The following EDN1 variants were observed in gnomAD, a reference collection of about 807,000 sequenced individuals.
EDN1 encodes endothelin-1.
Under a neutral mutation model 21.7 loss-of-function variants are expected in EDN1, and 11 were observed. That is an observed-to-expected ratio of 0.51 (90% CI 0.32 to 0.84). The LOEUF is 0.84. Among genes scored for constraint, EDN1 ranks in the 40% least tolerant of loss-of-function variants. The probability of loss-of-function intolerance (pLI) is 0.03; values close to 1 mark genes in which losing one functional copy is unlikely to be tolerated. For missense variants in EDN1, 244 were observed against 262.3 expected, an observed-to-expected ratio of 0.93 and a Z score of 0.48; for synonymous variants, 85 against 90.6, an observed-to-expected ratio of 0.94 and a Z score of 0.35.
the EDN1 span, among the ~76,000 whole-genome samples, chr6:12,285,132 AATT>A: frequency 3.9e-5 from 6 of 152,214 alleles, no homozygotes; most frequent in African/African-American, 7.2e-5. Context: ...ATTAATCATG[AATT>A]ATTAATACAT....
At chr6:12,291,222 C>A (rs879758253) in intron 1 of EDN1, among the ~76,000 whole-genome samples, 21 of 98,760 alleles carry the variant, frequency 2.1e-4, no homozygotes, top group South Asian at 7.4e-4. Context: ...CCGCCTCCCC[C>A]CCCCCCCGCC....
At chr6:12,258,759 G>A in the EDN1 span, among the ~76,000 whole-genome samples, 22 of 152,114 alleles carry the variant, frequency 1.4e-4, no homozygotes, top group Non-Finnish European at 3.1e-4. Flanking sequence ...AGAGAGAAAG[G>A]AAAGCCCACT....
At chr6:12,248,680 G>A in the EDN1 span, among the ~76,000 whole-genome samples, 3 of 152,302 alleles carry the variant, frequency 2.0e-5, no homozygotes, top group South Asian at 2.1e-4. Flanking sequence ...GAGAGTGAAA[G>A]GGTGTAGGTT....
At chr6:12,291,242 C>G (rs1382571958) in intron 1 of EDN1, among the ~76,000 whole-genome samples, 1 of 149,116 alleles carries the variant, frequency 6.7e-6, no homozygotes, top group Non-Finnish European at 1.5e-5. Context: ...CACCACCCCC[C>G]GCAGGCGGTT....
chr6:12,264,742 G>C, the EDN1 span, among the ~76,000 whole-genome samples: 1 of 152,224 alleles, frequency 6.6e-6, no homozygotes, highest in Non-Finnish European at 1.5e-5. Context: ...GTTTGCTCTA[G>C]ACAGAAGGCG....
chr6:12,278,689 C>T, the EDN1 span, among the ~76,000 whole-genome samples: 83 of 152,158 alleles, frequency 5.5e-4, no homozygotes, highest in African/African-American at 1.9e-3. Context: ...GTCAGGAGTT[C>T]GAGACCTGAC....
chr6:12,266,976 A>G, the EDN1 span, among the ~76,000 whole-genome samples: 31 of 152,326 alleles, frequency 2.0e-4, 1 homozygote, highest in South Asian at 6.4e-3. Context: ...TTCAGGAGTG[A>G]TTATAGTAAA....
At chr6:12,275,775 G>A in the EDN1 span, among the ~76,000 whole-genome samples, 1 of 151,000 alleles carries the variant, frequency 6.6e-6, no homozygotes, top group African/African-American at 2.5e-5. Flanking sequence ...TTGAGCGAGA[G>A]GACTTGGTTT....
chr6:12,291,914 T>C (rs921127980), intron 1 of EDN1, among the ~76,000 whole-genome samples: 1 of 152,218 alleles, frequency 6.6e-6, no homozygotes, highest in South Asian at 2.1e-4. Flanking sequence ...GCCCCAAAGC[T>C]AGGAATAACT....
the EDN1 span, among the ~76,000 whole-genome samples, chr6:12,273,217 G>T: frequency 9.9e-5 from 15 of 152,224 alleles, no homozygotes; most frequent in Non-Finnish European, 1.6e-4. Context: ...GATAGAGAGT[G>T]GGGGCTAGGC....
At chr6:12,257,832 G>A in the EDN1 span, among the ~76,000 whole-genome samples, 1 of 152,086 alleles carries the variant, frequency 6.6e-6, no homozygotes, top group Non-Finnish European at 1.5e-5. Context: ...AAGGCTGCTC[G>A]AACAAAATAA....
At chr6:12,234,301 G>A in the EDN1 span, among the ~76,000 whole-genome samples, 2 of 152,200 alleles carry the variant, frequency 1.3e-5, no homozygotes, top group African/African-American at 4.8e-5. Context: ...GTGGCTGCCT[G>A]GAAGCAAGAA....
chr6:12,285,702 C>T (rs1009742087), upstream of EDN1, among the ~76,000 whole-genome samples: 1 of 152,106 alleles, frequency 6.6e-6, no homozygotes, highest in Non-Finnish European at 1.5e-5. Flanking sequence ...TCTTGAGTAG[C>T]TGGGATTACA....
At chr6:12,263,020 T>C in the EDN1 span, among the ~76,000 whole-genome samples, 1 of 152,116 alleles carries the variant, frequency 6.6e-6, no homozygotes, top group East Asian at 1.9e-4. Flanking sequence ...TATTTCTGGG[T>C]AATTATAAGG....
chr6:12,237,110 A>G, the EDN1 span, among the ~76,000 whole-genome samples: 2 of 152,142 alleles, frequency 1.3e-5, no homozygotes, highest in African/African-American at 4.8e-5. Flanking sequence ...TAGTTTGCTC[A>G]GAATGATGGT....
chr6:12,238,656 C>T, the EDN1 span, among the ~76,000 whole-genome samples: 9 of 152,316 alleles, frequency 5.9e-5, no homozygotes, highest in East Asian at 9.6e-4. Flanking sequence ...ATCTAGTTAT[C>T]GTAGGAAGAG....
At chr6:12,250,284 G>T in the EDN1 span, among the ~76,000 whole-genome samples, 2 of 151,986 alleles carry the variant, frequency 1.3e-5, no homozygotes, top group Non-Finnish European at 2.9e-5. Context: ...TTGATGATTT[G>T]TCCTTTGTTT....
chr6:12,232,425 G>A, the EDN1 span, among the ~76,000 whole-genome samples: 7 of 151,714 alleles, frequency 4.6e-5, no homozygotes, highest in African/African-American at 1.4e-4. Flanking sequence ...ATTCCCAGAT[G>A]ACATGACCAG....
At chr6:12,263,184 C>A in the EDN1 span, among the ~76,000 whole-genome samples, 3 of 152,132 alleles carry the variant, frequency 2.0e-5, no homozygotes, top group Non-Finnish European at 4.4e-5. Context: ...TTCTGACAGA[C>A]AAAGAAGATT....
Sources: allele counts gnomAD v4.1 joint callset (sites outside exome capture counted in the v4.1 genomes callset), GRCh38; gene constraint gnomAD v4.1.1; transcripts MANE v1.5; gene names NCBI Gene and HGNC (gene_info 2026-07-23, HGNC 2026-07-21).